The following PTP4A3 variants were observed in gnomAD, a reference collection of about 807,000 sequenced individuals.
The protein encoded by PTP4A3 is protein tyrosine phosphatase 4A3, also known as protein tyrosine phosphatase type IVA 3.
A neutral mutation model predicts 15.2 loss-of-function variants in PTP4A3; 9 were observed. That is an observed-to-expected ratio of 0.59 (90% CI 0.36 to 1.03). The LOEUF is 1.03. Ranked by LOEUF, PTP4A3 falls within the 50% of genes least tolerant of loss-of-function variation. PTP4A3 has a pLI of 0.02. For synonymous variants in PTP4A3, 95 were observed against 102.0 expected (o/e 0.93, Z 0.41); for missense variants, 234 against 252.1 (o/e 0.93, Z 0.49).
intron 1 of PTP4A3, among the ~76,000 whole-genome samples, chr8:141,412,952 C>T (rs1201661964): frequency 6.6e-6 from 1 of 152,202 alleles, no homozygotes; most frequent in East Asian, 1.9e-4. Flanking sequence ...TCATGCCCTT[C>T]CCCTGTTGTG....
chr8:141,428,885 C>T (rs1833711093), intron 5 of PTP4A3, among the ~76,000 whole-genome samples: 1 of 152,222 alleles, frequency 6.6e-6, no homozygotes, highest in East Asian at 1.9e-4. Flanking sequence ...TGGATGCACT[C>T]AGGCATGTAC....
chr8:141,419,948 G>T (rs1833250639), intron 1 of PTP4A3, among the ~76,000 whole-genome samples: 1 of 152,196 alleles, frequency 6.6e-6, no homozygotes, highest in South Asian at 2.1e-4. Context: ...GCTGCTCTGA[G>T]CCCATGAGCA....
chr8:141,424,646 T>G (rs1346973518), intron 2 of PTP4A3, among the ~76,000 whole-genome samples: 1 of 151,892 alleles, frequency 6.6e-6, no homozygotes, highest in Non-Finnish European at 1.5e-5. Context: ...GGGAGTGGTG[T>G]GCTGGGCAGC....
intron 1 of PTP4A3, among the ~76,000 whole-genome samples, chr8:141,402,451 G>C (rs949191764): frequency 3.3e-5 from 5 of 152,198 alleles, no homozygotes; most frequent in Non-Finnish European, 7.4e-5. Context: ...TGACAGGCCT[G>C]AGTGTAGCTG....
rs1833516659 is a variant in PTP4A3 at position 141,425,273 on chromosome 8, TGTGTGTCTG to T, written c.198+135_198+143del. ...TGGGCATGTCTGTGCCTGGGCCACG[TGTGTGTCTG>T]GGTACATCAAGGGAAGGCCAGGGTG... On this transcript the variant is annotated intron_variant, in intron 3 of 5. Coordinates refer to ENST00000521578, the MANE Select transcript of PTP4A3 (RefSeq NM_032611.3). The surrounding 1 kb of genome is among the most constrained non-coding windows in gnomAD (Gnocchi z 4.2). 4 of 897,532 alleles carry T rather than the reference TGTGTGTCTG, an allele frequency of 4.5e-6. No individual in the cohort carries two copies. In the South Asian group the frequency reaches 6.3e-5, roughly 14 times the overall value. The allele number at this position is 897,532 out of a possible 1,614,324, so 55.6% of individuals were successfully genotyped here. A position where few individuals can be genotyped will look rare whatever the true frequency, so the allele number is the denominator to read the frequency against.
chr8:141,402,876 C>A (rs1173597277), intron 1 of PTP4A3, among the ~76,000 whole-genome samples: 2 of 152,190 alleles, frequency 1.3e-5, no homozygotes, highest in African/African-American at 4.8e-5. Flanking sequence ...AGCGTGAGAA[C>A]CGGGCCTTTG....
At position 141,406,675 on chromosome 8, in the gene PTP4A3, C is replaced by T. The variant is rs1832733135; in HGVS notation, c.-854+14591C>T. On this transcript the variant is annotated intron_variant, in intron 1 of 5. Coordinates refer to ENST00000521578, the MANE Select transcript of PTP4A3 (RefSeq NM_032611.3). The surrounding 1 kb of genome is among the most constrained non-coding windows in gnomAD (Gnocchi z 4.5). ...GTTTTGGTAGAGGTGCAAGTGGATT[C>T]TGTGTGGCACAGAAGATGGCGAGTG... Among the ~76,000 whole-genome samples, 1 of 152,198 alleles carries T rather than the reference C, an allele frequency of 6.6e-6. No individual in the cohort carries two copies. The highest frequency in any genetic ancestry group is 2.4e-5 in the African/African-American group (1 of 41,440).
At chr8:141,395,554 C>G (rs1195149184) in intron 1 of PTP4A3, among the ~76,000 whole-genome samples, 1 of 137,806 alleles carries the variant, frequency 7.3e-6, no homozygotes, top group Non-Finnish European at 1.6e-5. Flanking sequence ...GCCCAGTGCA[C>G]CCCCACTTCC....
intron 1 of PTP4A3, among the ~76,000 whole-genome samples, chr8:141,420,027 G>A (rs1285063041): frequency 6.6e-6 from 1 of 152,208 alleles, no homozygotes; most frequent in Admixed American, 6.5e-5. Context: ...CACCCTCTGA[G>A]TCCAGGGGCC....
At position 141,426,650 on chromosome 8, in the gene PTP4A3, C is replaced by T. The variant is rs142269862; in HGVS notation, c.199-289C>T. The T allele has an allele frequency of 2.7e-5, 27 of 985,378 alleles. No individual in the cohort carries two copies. In the East Asian group the frequency reaches 6.8e-4, roughly 25 times the overall value. The allele number at this position is 985,378 out of a possible 1,614,324, so 61.0% of individuals were successfully genotyped here. A position where few individuals can be genotyped will look rare whatever the true frequency, so the allele number is the denominator to read the frequency against. ...ACAGGTGTGGGGATTAGGATTTGTG[C>T]GACTCTGGAGCAGGCTCTATTCAGA... On this transcript the variant is annotated intron_variant, in intron 3 of 5. Transcript: ENST00000521578.
rs769462092 is a variant in PTP4A3, at chr8:141,431,060, G to A, written c.*16G>A. The A allele has an allele frequency of 1.6e-5, 26 of 1,610,486 alleles. No homozygotes were observed. The highest frequency in any genetic ancestry group is 2.0e-5 in the Non-Finnish European group (23 of 1,177,668). ...CGTTATGTAGCTCAGGACCTTGGCT[G>A]GGCCTGGTCGTCATGTAGGTCAGGA... On this transcript the variant is annotated 3_prime_UTR_variant, in exon 6 of 6. Transcript: ENST00000521578.
At chr8:141,411,046 C>T (rs1281934206) in intron 1 of PTP4A3, among the ~76,000 whole-genome samples, 1 of 152,160 alleles carries the variant, frequency 6.6e-6, no homozygotes, top group Non-Finnish European at 1.5e-5. Flanking sequence ...TGTGGGCTGG[C>T]AAGGCGTGGG....
rs1832292362 is a variant in PTP4A3, at chr8:141,392,050, TC to T, written c.-886del. ...GCGAGGGCGCGCGCGTCCCGAGCCC[TC>T]CACCCGTCGTGCCGGCGCCGCCCGG... is the stretch of plus-strand genomic sequence containing the variant. On this transcript the variant is annotated 5_prime_UTR_variant, in exon 1 of 6. Coordinates refer to ENST00000521578, the MANE Select transcript of PTP4A3 (RefSeq NM_032611.3). The T allele has an allele frequency of 6.8e-6, 1 of 146,636 alleles. No homozygotes were observed. The highest frequency in any genetic ancestry group is 2.5e-5 in the African/African-American group (1 of 40,770). The allele number at this position is 146,636 out of a possible 1,614,324, so 9.1% of individuals were successfully genotyped here.
intron 1 of PTP4A3, among the ~76,000 whole-genome samples, chr8:141,418,154 C>T (rs1262409543): frequency 6.6e-6 from 1 of 152,130 alleles, no homozygotes; most frequent in Non-Finnish European, 1.5e-5. Context: ...CCCCTTACCA[C>T]GACCCCACCC....
At chr8:141,396,001 C>T (rs1156806566) in intron 1 of PTP4A3, among the ~76,000 whole-genome samples, 1 of 152,212 alleles carries the variant, frequency 6.6e-6, no homozygotes, top group Non-Finnish European at 1.5e-5. Context: ...CCTGTCCTGG[C>T]CACCTGCCCC....
At chr8:141,420,136 C>T (rs1316627424) in intron 1 of PTP4A3, among the ~76,000 whole-genome samples, 1 of 151,952 alleles carries the variant, frequency 6.6e-6, no homozygotes, top group Non-Finnish European at 1.5e-5. Flanking sequence ...GGCAGGGGCA[C>T]AGGTGAGAGG....
At chr8:141,430,072 C>T (rs1478665940) in intron 5 of PTP4A3, among the ~76,000 whole-genome samples, 1 of 134,762 alleles carries the variant, frequency 7.4e-6, no homozygotes, top group African/African-American at 3.1e-5. Context: ...GCGCACAGTC[C>T]GGGTCCCCGC....
At chr8:141,398,769 A>G (rs535418498) in intron 1 of PTP4A3, among the ~76,000 whole-genome samples, 1 of 152,112 alleles carries the variant, frequency 6.6e-6, no homozygotes, top group African/African-American at 2.4e-5. Flanking sequence ...GTCATTGTCC[A>G]GGAGGCTTTT....
In PTP4A3 at chr8:141,426,972, G is replaced by T. The variant is rs144644413; in HGVS notation, c.232G>T (p.Gly78Cys). 2 of 1,609,984 alleles carry T rather than the reference G, an allele frequency of 1.2e-6. No homozygotes were observed. The highest frequency in any genetic ancestry group is 2.2e-5 in the South Asian group (2 of 91,060). ...WPFDDGAPPP[G>C]KVVEDWLSLV... The stretch of plus-strand genomic sequence containing the variant: ...GTTTGACGATGGGGCGCCCCCGCCC[G>T]GCAAGGTAGTGGAAGACTGGCTGAG... The change falls in exon 4 of 6, where the codon GGC becomes TGC. Residue 78 changes from glycine (G) to cysteine (C), a missense_variant. By Grantham distance (159) the Gly-to-Cys change is radical. Transcript: ENST00000521578.
Sources: allele counts gnomAD v4.1 joint callset (sites outside exome capture counted in the v4.1 genomes callset), GRCh38; gene constraint gnomAD v4.1.1; non-coding constraint Gnocchi (gnomAD v3.1); transcripts MANE v1.5; gene names NCBI Gene and HGNC (gene_info 2026-07-23, HGNC 2026-07-21).